SMCP: variants seen among roughly 807,000 people sequenced by gnomAD.
SMCP encodes sperm mitochondria associated cysteine rich protein.
For synonymous variants in SMCP, 41 were observed against 46.9 expected (o/e 0.87, Z 0.51); for missense variants, 137 against 137.1 (o/e 1.00, Z 0.01).
rs1326690873 is a variant in SMCP, at chr1:152,884,810, G to C, written c.*37G>C. ...GTCAAACAAAGAAGAAGTCCCTGGG[G>C]CCATGCCTTTCACTTTGTAGGGTGG... On this transcript the variant is annotated 3_prime_UTR_variant, in exon 2 of 2. Transcript: ENST00000368765. 7 of 1,570,098 alleles carry C rather than the reference G, an allele frequency of 4.5e-6. No homozygotes were observed. Among genetic ancestry groups the C allele is most frequent in the Non-Finnish European group, 6.1e-6 (7 of 1,146,492 alleles).
rs1474544499 is a variant in SMCP at position 152,878,460 on chromosome 1, A to G, written c.-21+14A>G. On this transcript the variant is annotated intron_variant, in intron 1 of 1. Coordinates refer to ENST00000368765, the MANE Select transcript of SMCP (RefSeq NM_030663.3). ...TGGCCAGACCAGGTAACACAGAGAA[A>G]CATTGTCTTTTGGGTCCTCTCTCCA... 6.6e-6 allele frequency: 1 copy of G among 152,622 alleles called. No homozygotes were observed. Among genetic ancestry groups the G allele is most frequent in the Non-Finnish European group, 1.5e-5 (1 of 68,058 alleles). 9.5% of individuals were successfully genotyped at this position (152,622 alleles called of 1,614,324 possible). A position where few individuals can be genotyped will look rare whatever the true frequency, so the allele number is the denominator to read the frequency against.
chr1:152,880,187 G>A (rs943341492), intron 1 of SMCP, among the ~76,000 whole-genome samples: 2 of 152,160 alleles, frequency 1.3e-5, no homozygotes, highest in East Asian at 3.9e-4. Context: ...AATAAAAACA[G>A]AAGGGGCTCA....
intron 1 of SMCP, among the ~76,000 whole-genome samples, chr1:152,879,735 C>T (rs911519053): frequency 1.3e-5 from 2 of 152,216 alleles, no homozygotes; most frequent in Non-Finnish European, 2.9e-5. Flanking sequence ...CCCTATGCTA[C>T]AGTCAACAAG....
chr1:152,883,104 C>A (rs1649106864), intron 1 of SMCP, among the ~76,000 whole-genome samples: 1 of 152,156 alleles, frequency 6.6e-6, no homozygotes, highest in African/African-American at 2.4e-5. Flanking sequence ...TTCTCACAAT[C>A]CCAAGGATGC....
chr1:152,879,378 A>C (rs1648965962), intron 1 of SMCP, among the ~76,000 whole-genome samples: 1 of 151,898 alleles, frequency 6.6e-6, no homozygotes, highest in Admixed American at 6.6e-5. Context: ...ACGCCACCAC[A>C]CCCAGCTAAT....
rs1649172513 is a variant in SMCP at position 152,884,915 on chromosome 1, C to T, written c.*142C>T. The T allele has an allele frequency of 4.2e-6, 3 of 722,852 alleles. No homozygotes were observed. Among genetic ancestry groups the T allele is most frequent in the Non-Finnish European group, 6.9e-6 (3 of 434,766 alleles). 44.8% of individuals were successfully genotyped at this position (722,852 alleles called of 1,614,324 possible). ...ACTACCATTTCCACCCAATGAGAGG[C>T]TCCTATTTCCCATCATAGCTCCCTA... is the stretch of plus-strand genomic sequence containing the variant. On this transcript the variant is annotated 3_prime_UTR_variant, in exon 2 of 2. Transcript: ENST00000368765.
At chr1:152,883,432 A>C (rs967652539) in intron 1 of SMCP, among the ~76,000 whole-genome samples, 1 of 152,156 alleles carries the variant, frequency 6.6e-6, no homozygotes, top group Admixed American at 6.5e-5. Context: ...GGCGGAAACC[A>C]TTAGGGGCTT....
intron 1 of SMCP, among the ~76,000 whole-genome samples, chr1:152,883,053 A>C (rs1649105672): frequency 6.6e-6 from 1 of 152,218 alleles, no homozygotes; most frequent in African/African-American, 2.4e-5. Context: ...TCAAAAAAAC[A>C]AAAACAAAAA....
chr1:152,880,490 T>C (rs1648999008), intron 1 of SMCP, among the ~76,000 whole-genome samples: 1 of 152,148 alleles, frequency 6.6e-6, no homozygotes, highest in Non-Finnish European at 1.5e-5. Flanking sequence ...CTTATTTCCA[T>C]TTTTGGTGTG....
intron 1 of SMCP, among the ~76,000 whole-genome samples, chr1:152,883,008 C>T (rs1332431524): frequency 1.3e-5 from 2 of 152,222 alleles, no homozygotes; most frequent in African/African-American, 4.8e-5. Flanking sequence ...CGCACCATTG[C>T]ACTCCAGCCT....
rs536661563 is a variant in SMCP at position 152,881,504 on chromosome 1, A to C, written c.-20-2899A>C. 2.0e-5 allele frequency among the ~76,000 whole-genome samples: 3 copies of C among 151,508 alleles called. No homozygotes were observed. The East Asian group carries it at 5.9e-4, about 30-fold the overall frequency. On this transcript the variant is annotated intron_variant, in intron 1 of 1. Transcript: ENST00000368765. ...GAGATCGAGACCATCCTGGCTAACA[A>C]GGTGAAACCCCGTCTCTACTAAAAA...
At chr1:152,879,486 G>A (rs779739852) in intron 1 of SMCP, among the ~76,000 whole-genome samples, 7 of 152,152 alleles carry the variant, frequency 4.6e-5, no homozygotes, top group Non-Finnish European at 1.0e-4. Flanking sequence ...CTCCCAAAGC[G>A]CTGGGACAAC....
intron 1 of SMCP, among the ~76,000 whole-genome samples, chr1:152,878,967 T>G (rs1238801402): frequency 6.6e-6 from 1 of 152,166 alleles, no homozygotes; most frequent in African/African-American, 2.4e-5. Context: ...GTCTGGTGCC[T>G]GAGGGAACAG....
rs1649176048 is a variant in SMCP, at chr1:152,885,018, C to T, written c.*245C>T. ...TTTCCTAGTGATCCTGACATTTAGA[C>T]AGCACAGAAATAAAGAGCAATAAAA... On this transcript the variant is annotated 3_prime_UTR_variant, in exon 2 of 2. Transcript: ENST00000368765. 1 of 544,568 alleles carries T rather than the reference C, an allele frequency of 1.8e-6. No homozygotes were observed. Among genetic ancestry groups the T allele is most frequent in the Non-Finnish European group, 3.3e-6 (1 of 302,408 alleles). The allele number at this position is 544,568 out of a possible 1,614,324, so 33.7% of individuals were successfully genotyped here.
In SMCP at chr1:152,884,653, G is replaced by A. The variant is rs1406971963; in HGVS notation, c.231G>A (p.Lys77=). 6.2e-7 allele frequency: 1 copy of A among 1,614,076 alleles called. No individual in the cohort carries two copies. Among genetic ancestry groups the A allele is most frequent in the African/African-American group, 1.3e-5 (1 of 74,924 alleles). Reference sequence around the variant, plus strand: ...CCAGGTGCTGTGGTTTGGAGACCAAGCCTGAAGTCTCACCCCTTAACATGG... The same window carrying A: ...CCAGGTGCTGTGGTTTGGAGACCAAACCTGAAGTCTCACCCCTTAACATGG... ...IQARCCGLET[K]PEVSPLNMES... Residue 77 remains lysine (K), a synonymous_variant, in exon 2 of 2, where the codon AAG becomes AAA. Coordinates refer to ENST00000368765, the MANE Select transcript of SMCP (RefSeq NM_030663.3).
chr1:152,880,125 A>T (rs986658924), intron 1 of SMCP, among the ~76,000 whole-genome samples: 3 of 152,130 alleles, frequency 2.0e-5, no homozygotes, highest in Non-Finnish European at 4.4e-5. Flanking sequence ...AGAGGCAGAG[A>T]GGAAAAAAAA....
intron 1 of SMCP, among the ~76,000 whole-genome samples, chr1:152,880,373 C>T (rs1373704504): frequency 6.6e-6 from 1 of 152,170 alleles, no homozygotes; most frequent in Non-Finnish European, 1.5e-5. Flanking sequence ...CGTGTGGACA[C>T]ACACACACAC....
intron 1 of SMCP, among the ~76,000 whole-genome samples, 193 bp downstream of exon 1, chr1:152,878,639 T>TG (rs1327801636): frequency 2.6e-5 from 4 of 152,128 alleles, no homozygotes; most frequent in Non-Finnish European, 5.9e-5. Context: ...TGGGAGCCAC[T>TG]GGGGGTGGGG....
At chr1:152,882,484 G>T (rs1336748459) in intron 1 of SMCP, among the ~76,000 whole-genome samples, 1 of 152,174 alleles carries the variant, frequency 6.6e-6, no homozygotes, top group Non-Finnish European at 1.5e-5. Flanking sequence ...GGAGAGAGAA[G>T]GCCAGGACAG....
Sources: gnomAD v4.1 joint callset for allele counts (sites outside exome capture counted in the v4.1 genomes callset) on GRCh38, gnomAD v4.1.1 for gene constraint, MANE v1.5 for transcripts, NCBI Gene and HGNC (gene_info 2026-07-23, HGNC 2026-07-21) for gene names.